The following LRBA variants were observed in gnomAD, a reference collection of about 807,000 sequenced individuals.
LRBA encodes the protein lipopolysaccharide-responsive and beige-like anchor protein.
Under a neutral mutation model 330.0 loss-of-function variants are expected in LRBA, and 176 were observed. That is an observed-to-expected ratio of 0.53 (90% CI 0.47 to 0.60). The LOEUF (loss-of-function observed/expected upper bound fraction) is 0.60, where lower values mean the gene tolerates loss of function less well. Among genes scored for constraint, LRBA ranks in the 20% least tolerant of loss-of-function variants. The pLI, the probability that LRBA is intolerant of heterozygous loss-of-function variation, is 0.00. For synonymous variants in LRBA, 1,230 were observed against 1,193.0 expected (o/e 1.03, Z -0.64); for missense variants, 3,259 against 3,444.8 (o/e 0.95, Z 1.35).
rs571556636 is a variant in LRBA at position 150,435,218 on chromosome 4, G to A, written c.7041+371C>T. On this transcript the variant is annotated intron_variant, in intron 46 of 56. Coordinates refer to ENST00000651943, the MANE Select transcript of LRBA (RefSeq NM_001364905.1). ...ACAAAAAAACTAGCCAGGCGTTGTG[G>A]CAGATGCCTGTAATCCCAGCTACTT... 7.9e-5 allele frequency among the ~76,000 whole-genome samples: 12 copies of A among 152,224 alleles called. No individual in the cohort carries two copies. In the South Asian group the frequency reaches 2.1e-3, roughly 26 times the overall value.
chr4:150,424,258 G>A (rs1166825957), intron 46 of LRBA, among the ~76,000 whole-genome samples: 3 of 152,134 alleles, frequency 2.0e-5, no homozygotes, highest in Non-Finnish European at 2.9e-5. Flanking sequence ...TACTGTCATC[G>A]ATAGGGTCTT....
intron 40 of LRBA, among the ~76,000 whole-genome samples, chr4:150,513,322 T>C (rs996985831): frequency 6.6e-6 from 1 of 152,194 alleles, no homozygotes; most frequent in African/African-American, 2.4e-5. Flanking sequence ...TTTACAGCAA[T>C]GGGCAGGTTT....
chr4:150,899,032 C>T (rs1447392668), intron 14 of LRBA, among the ~76,000 whole-genome samples: 1 of 152,156 alleles, frequency 6.6e-6, no homozygotes, highest in East Asian at 1.9e-4. Context: ...GACTCCCCAG[C>T]ATCTATTTCT....
At chr4:150,570,223 T>A (rs1288315008) in intron 40 of LRBA, among the ~76,000 whole-genome samples, 1 of 151,764 alleles carries the variant, frequency 6.6e-6, no homozygotes, top group Non-Finnish European at 1.5e-5. Context: ...GTGTCGGGAA[T>A]TTTTTTTTCC....
intron 48 of LRBA, among the ~76,000 whole-genome samples, chr4:150,339,519 T>A (rs912942775): frequency 6.6e-6 from 1 of 152,140 alleles, no homozygotes; most frequent in African/African-American, 2.4e-5. Context: ...TGTGTTTGGC[T>A]TTTTTTCTCT....
chr4:150,286,991 T>C (rs1371975726), intron 53 of LRBA, among the ~76,000 whole-genome samples: 2 of 152,228 alleles, frequency 1.3e-5, no homozygotes, highest in African/African-American at 4.8e-5. Context: ...AAGGTAAAGA[T>C]ACAAAAAGTC....
chr4:150,772,358 G>A (rs544461761), intron 34 of LRBA, among the ~76,000 whole-genome samples: 3 of 152,238 alleles, frequency 2.0e-5, no homozygotes, highest in Admixed American at 1.3e-4. Flanking sequence ...CAAAGAGAAG[G>A]TAGTGTAGCA....
chr4:150,540,964 T>C (rs1765255599), intron 40 of LRBA, among the ~76,000 whole-genome samples: 1 of 152,178 alleles, frequency 6.6e-6, no homozygotes, highest in African/African-American at 2.4e-5. Flanking sequence ...ATCATAACCA[T>C]TACTGTCCTC....
intron 53 of LRBA, among the ~76,000 whole-genome samples, chr4:150,300,027 C>T (rs1729456889): frequency 6.6e-6 from 1 of 152,046 alleles, no homozygotes; most frequent in Non-Finnish European, 1.5e-5. Flanking sequence ...CTTATAAAAT[C>T]CGAACCAGCT....
chr4:150,277,742 T>G, intron 56 of LRBA, 111 bp downstream of exon 56: 1 of 1,110,636 alleles, frequency 9.0e-7, no homozygotes. Context: ...GCTCAAGTGA[T>G]TCTCCTGCCT....
chr4:150,905,364 AAGAG>A (rs1282177090), intron 13 of LRBA, among the ~76,000 whole-genome samples: 1 of 152,110 alleles, frequency 6.6e-6, no homozygotes, highest in African/African-American at 2.4e-5. Context: ...TGAAGTAAAA[AAGAG>A]AGAGAGCAGG....
At chr4:150,579,087 T>G (rs911144710) in intron 40 of LRBA, 3 of 359,430 alleles carry the variant, frequency 8.3e-6, no homozygotes, top group Non-Finnish European at 5.4e-6. Flanking sequence ...AGACTTGAAG[T>G]GGCTTTTAGC....
At chr4:150,638,744 C>T (rs1170128259) in intron 37 of LRBA, among the ~76,000 whole-genome samples, 2 of 133,828 alleles carry the variant, frequency 1.5e-5, no homozygotes, top group African/African-American at 2.9e-5. Flanking sequence ...AACACTTTTA[C>T]ACTGTTGGTG....
chr4:150,877,167 A>T (rs1428848070), intron 17 of LRBA, among the ~76,000 whole-genome samples: 2 of 151,780 alleles, frequency 1.3e-5, no homozygotes, highest in Non-Finnish European at 2.9e-5. Flanking sequence ...CTAAGGCAGG[A>T]GAATGGCATG....
At chr4:150,561,299 AGGTATAGT>A (rs1183978984) in intron 40 of LRBA, among the ~76,000 whole-genome samples, 39 of 152,160 alleles carry the variant, frequency 2.6e-4, no homozygotes, top group Admixed American at 1.1e-3. Flanking sequence ...TAAACCACAA[AGGTATAGT>A]GTGGTATGCA....
chr4:150,713,552 C>T (rs1161264603), intron 36 of LRBA, among the ~76,000 whole-genome samples: 1 of 152,150 alleles, frequency 6.6e-6, no homozygotes, highest in African/African-American at 2.4e-5. Flanking sequence ...GCCTATGTAA[C>T]TGTAACGTGG....
At chr4:150,787,302 T>C (rs1739226303) in intron 34 of LRBA, among the ~76,000 whole-genome samples, 1 of 152,222 alleles carries the variant, frequency 6.6e-6, no homozygotes, top group African/African-American at 2.4e-5. Flanking sequence ...TGCATAGTTT[T>C]ACATGCACTG....
At chr4:150,921,787 A>G (rs374094516) in intron 4 of LRBA, among the ~76,000 whole-genome samples, 11 of 152,034 alleles carry the variant, frequency 7.2e-5, no homozygotes, top group African/African-American at 2.7e-4. Context: ...GTGCAATGGC[A>G]TGATCTCGGC....
intron 40 of LRBA, among the ~76,000 whole-genome samples, chr4:150,507,133 A>G (rs112589723): frequency 0.85 from 122,792 of 143,804 alleles, 52,946 homozygotes; most frequent in Non-Finnish European, 0.94. Context: ...AATCAATATC[A>G]TGAAAATGGC....
Sources: allele counts gnomAD v4.1 joint callset (sites outside exome capture counted in the v4.1 genomes callset), GRCh38; gene constraint gnomAD v4.1.1; transcripts MANE v1.5; gene names NCBI Gene and HGNC (gene_info 2026-07-23, HGNC 2026-07-21).